Variants in SLC24A1 observed in about 807,000 individuals in gnomAD.
The protein encoded by SLC24A1 is solute carrier family 24 member 1, also known as sodium/potassium/calcium exchanger 1.
In SLC24A1, 52 loss-of-function variants were observed where a neutral mutation model predicts 88.1. The ratio of observed to expected loss-of-function variants is 0.59; its 90% CI spans 0.47 to 0.74. The LOEUF (loss-of-function observed/expected upper bound fraction) is 0.74, where lower values mean the gene tolerates loss of function less well. Among genes scored for constraint, SLC24A1 ranks in the 30% least tolerant of loss-of-function variants. The probability of loss-of-function intolerance (pLI) is 0.00; values close to 1 mark genes in which losing one functional copy is unlikely to be tolerated. For missense variants in SLC24A1, 1,173 were observed against 1,363.3 expected (o/e 0.86, Z 2.20); for synonymous variants, 455 against 498.0 (o/e 0.91, Z 1.15).
At position 65,652,813 on chromosome 15, in the gene SLC24A1, G is replaced by A. The variant is rs1272686676; in HGVS notation, c.3050+5G>A. The A allele has an allele frequency of 2.3e-5, 36 of 1,588,516 alleles. No individual in the cohort carries two copies. The highest frequency in any genetic ancestry group is 2.8e-5 in the Non-Finnish European group (33 of 1,162,236). On this transcript the variant is annotated splice_donor_5th_base_variant and intron_variant, in intron 9 of 9. Transcript: ENST00000261892. ...CATATTTGATATCACTGTGGGGTGA[G>A]TGGCAATGTAACTTTCTAAGGGGTG...
chr15:65,619,136 G>T (rs116375686), upstream of SLC24A1, among the ~76,000 whole-genome samples: 2 of 152,192 alleles, frequency 1.3e-5, no homozygotes, highest in African/African-American at 4.8e-5. Context: ...GTCTTAGGCC[G>T]TGACATTGTA....
In SLC24A1 at chr15:65,656,097, C is replaced by T. The variant is rs1225200824; in HGVS notation, c.*2018C>T. On this transcript the variant is annotated 3_prime_UTR_variant, in exon 10 of 10. Coordinates refer to ENST00000261892, the MANE Select transcript of SLC24A1 (RefSeq NM_004727.3). ...AAAATTCTGGGCACTAACCTGGTGT[C>T]TGCAGCCCGTTCCCGTTAGCCTCGG... is the stretch of plus-strand genomic sequence containing the variant. 1 of 985,348 alleles carries T rather than the reference C, an allele frequency of 1.0e-6. No individual in the cohort carries two copies. Among genetic ancestry groups the T allele is most frequent in the African/African-American group, 1.7e-5 (1 of 57,238 alleles). 61.0% of individuals were successfully genotyped at this position (985,348 alleles called of 1,614,324 possible).
downstream of SLC24A1, among the ~76,000 whole-genome samples, chr15:65,656,746 CTGA>C (rs1227727353): frequency 6.6e-6 from 1 of 152,182 alleles, no homozygotes; most frequent in African/African-American, 2.4e-5. Flanking sequence ...CTTGAAGGCC[CTGA>C]TAATAGGTTT....
exon 2 of SLC24A1, chr15:65,612,585 G>A (rs534082279): frequency 3.3e-5 from 5 of 152,390 alleles, no homozygotes; most frequent in African/African-American, 1.2e-4. Context: ...TCAAGACCTA[G>A]TTATGCTTGA....
chr15:65,649,768 G>A (rs775265635), intron 6 of SLC24A1, among the ~76,000 whole-genome samples: 1 of 152,162 alleles, frequency 6.6e-6, no homozygotes, highest in Non-Finnish European at 1.5e-5. Flanking sequence ...AACAATTTAG[G>A]AGTTTTAGTA....
At chr15:65,627,739 G>C (rs2074569146) in intron 2 of SLC24A1, among the ~76,000 whole-genome samples, 2 of 152,206 alleles carry the variant, frequency 1.3e-5, no homozygotes, top group African/African-American at 4.8e-5. Context: ...AAGTGCCTCT[G>C]ACTTGCTTCC....
chr15:65,624,777 G>A lies in SLC24A1; in HGVS notation c.697G>A (p.Glu233Lys), dbSNP rs373003119. The change falls in exon 2 of 10, where the codon GAA becomes AAA. Residue 233 changes from glutamate (E) to lysine (K), a missense_variant. By Grantham distance (56) the Glu-to-Lys change is moderately conservative (BLOSUM62 1). Coordinates refer to ENST00000261892, the MANE Select transcript of SLC24A1 (RefSeq NM_004727.3). ...CATTACAGCAACCTATAAAATACTC[G>A]AAACCAACTCTCTTAAGAGAATAAT... ...SDITATYKIL[E>K]TNSLKRIMEE... 1.9e-5 allele frequency: 30 copies of A among 1,613,752 alleles called. No homozygotes were observed. Among genetic ancestry groups the A allele is most frequent in the African/African-American group, 2.7e-5 (2 of 74,882 alleles).
downstream of SLC24A1, chr15:65,660,962 A>G (rs1487776955): frequency 3.3e-5 from 5 of 152,166 alleles, no homozygotes; most frequent in Non-Finnish European, 7.3e-5. Flanking sequence ...TCCCAATGTA[A>G]GTTTTCATGT....
chr15:65,635,309 G>A (rs975168962), intron 2 of SLC24A1, among the ~76,000 whole-genome samples: 2 of 151,774 alleles, frequency 1.3e-5, no homozygotes, highest in African/African-American at 4.8e-5. Context: ...GTGAAACCCA[G>A]TCTCTACTAA....
downstream of SLC24A1, chr15:65,660,247 T>C (rs1406454967): frequency 2.0e-6 from 3 of 1,524,402 alleles, no homozygotes; most frequent in Admixed American, 3.9e-5. Flanking sequence ...ACTGAAGTTT[T>C]ACATTTTTAA....
At position 65,654,310 on chromosome 15, in the gene SLC24A1, A is replaced by G; in HGVS notation, c.*231A>G. On this transcript the variant is annotated 3_prime_UTR_variant, in exon 10 of 10. Transcript: ENST00000261892. The stretch of plus-strand genomic sequence containing the variant: ...GGGGTGGAGTTTCTACCCCTGACTC[A>G]TGCAGACATCTATTACATGGAGGCA... The G allele has an allele frequency of 4.5e-6, 6 of 1,340,232 alleles. No individual in the cohort carries two copies. Among genetic ancestry groups the G allele is most frequent in the Non-Finnish European group, 5.7e-6 (6 of 1,048,146 alleles). 83.0% of individuals were successfully genotyped at this position (1,340,232 alleles called of 1,614,324 possible). A position where few individuals can be genotyped will look rare whatever the true frequency, so the allele number is the denominator to read the frequency against.
At chr15:65,612,962 A>AGATT (rs753385860) in intron 2 of SLC24A1, among the ~76,000 whole-genome samples, 9 of 152,240 alleles carry the variant, frequency 5.9e-5, no homozygotes, top group Non-Finnish European at 1.2e-4. Flanking sequence ...TAGGGCAACT[A>AGATT]GTTTGTTTGT....
intron 6 of SLC24A1, among the ~76,000 whole-genome samples, chr15:65,649,818 CAT>C (rs1169092501): frequency 6.6e-6 from 1 of 152,130 alleles, no homozygotes; most frequent in African/African-American, 2.4e-5. Flanking sequence ...GATGTCATGC[CAT>C]ATTAAGCAAC....
rs2075630737 is a variant in SLC24A1 at position 65,654,937 on chromosome 15, C to T, written c.*858C>T. 2 of 1,040,506 alleles carry T rather than the reference C, an allele frequency of 1.9e-6. No homozygotes were observed. The highest frequency in any genetic ancestry group is 6.0e-5 in the South Asian group (2 of 33,260). The allele number at this position is 1,040,506 out of a possible 1,614,324, so 64.5% of individuals were successfully genotyped here. A position where few individuals can be genotyped will look rare whatever the true frequency, so the allele number is the denominator to read the frequency against. On this transcript the variant is annotated 3_prime_UTR_variant, in exon 10 of 10. Coordinates refer to ENST00000261892, the MANE Select transcript of SLC24A1 (RefSeq NM_004727.3). ...CTAGTTTAAAGGAGGACTACATTAA[C>T]TCTTATTGTTGTGTTTCTGAAAAGT...
In SLC24A1 at chr15:65,625,360, T is replaced by G. The variant is rs1175889946; in HGVS notation, c.1280T>G (p.Leu427Arg). The change falls in exon 2 of 10, where the codon CTG (leucine) becomes CGG (arginine). Residue 427 changes from leucine to arginine, a missense_variant. By Grantham distance (102) the Leu-to-Arg change is moderately radical (BLOSUM62 -2). Transcript: ENST00000261892. ...PEELSPSPSV[L>R]PPSLPDLHPK... is the part of the protein sequence containing the mutation. ...GAGCTCAGTCCTAGTCCCTCAGTGC[T>G]GCCTCCCAGCTTGCCAGACCTCCAC... 2 of 1,613,902 alleles carry G rather than the reference T, an allele frequency of 1.2e-6. No homozygotes were observed. Among genetic ancestry groups the G allele is most frequent in the Non-Finnish European group, 1.7e-6 (2 of 1,179,886 alleles).
intron 3 of SLC24A1, among the ~76,000 whole-genome samples, 157 bp downstream of exon 3, chr15:65,638,338 G>A (rs2075009344): frequency 6.6e-6 from 1 of 152,078 alleles, no homozygotes; most frequent in Non-Finnish European, 1.5e-5. Context: ...GGGAGGAGAG[G>A]GCTCTTTTTC....
downstream of SLC24A1, chr15:65,660,230 C>A: frequency 6.8e-7 from 1 of 1,460,596 alleles, no homozygotes; most frequent in Non-Finnish European, 9.3e-7. Context: ...AGTTCAGCCC[C>A]AAACTAACTG....
Position 65,650,778 on chromosome 15 carries a change from GAGC to G in SLC24A1, c.2632_2634del (p.Gln878del), listed in dbSNP as rs747149550. 2 of 1,611,658 alleles carry G rather than the reference GAGC, an allele frequency of 1.2e-6. No individual in the cohort carries two copies. Among genetic ancestry groups the G allele is most frequent in the Admixed American group, 1.7e-5 (1 of 59,806 alleles). On this transcript the variant is annotated inframe_deletion, in exon 7 of 10. Coordinates refer to ENST00000261892, the MANE Select transcript of SLC24A1 (RefSeq NM_004727.3). This position sits in a 1 kb window ranked among gnomAD's most constrained non-coding sequence, Gnocchi z 4.1. ...GCAGGAGGAAGAGGAGGAGGAGGAA[GAGC>G]AGGAGGAAGAGGAGGAGGAGGAGGA...
rs2074488820 is a variant in SLC24A1, at chr15:65,625,708, G to T, written c.1628G>T (p.Cys543Phe). ...AACATTCTCTTTGTCATTGGCACTTGTTCCCTCTTCTCCCGAGAGATCCTC... is the reference window on the plus strand; with the variant it reads ...AACATTCTCTTTGTCATTGGCACTTTTTCCCTCTTCTCCCGAGAGATCCTC... ...VFNILFVIGT[C>F]SLFSREILNL... is the part of the protein sequence containing the mutation. Residue 543 changes from cysteine to phenylalanine, a missense_variant, in exon 2 of 10, where the codon TGT becomes TTT. Physicochemically the swap from Cys to Phe is radical, Grantham distance 205. Coordinates refer to ENST00000261892, the MANE Select transcript of SLC24A1 (RefSeq NM_004727.3). 1 of 1,614,020 alleles carries T rather than the reference G, an allele frequency of 6.2e-7. No individual in the cohort carries two copies. Among genetic ancestry groups the T allele is most frequent in the Non-Finnish European group, 8.5e-7 (1 of 1,179,894 alleles).
Sources: allele counts gnomAD v4.1 joint callset (sites outside exome capture counted in the v4.1 genomes callset), GRCh38; gene constraint gnomAD v4.1.1; non-coding constraint Gnocchi (gnomAD v3.1); transcripts MANE v1.5; gene names NCBI Gene and HGNC (gene_info 2026-07-23, HGNC 2026-07-21).